The following GLB1L3 variants were observed in gnomAD, a reference collection of about 807,000 sequenced individuals.
GLB1L3 encodes the protein beta-galactosidase-1-like protein 3.
Under a neutral mutation model 89.5 loss-of-function variants are expected in GLB1L3, and 89 were observed. That is an observed-to-expected ratio of 0.99 (90% CI 0.84 to 1.19). The LOEUF (loss-of-function observed/expected upper bound fraction) is 1.19. Among genes scored for constraint, GLB1L3 ranks in the 50% most tolerant of loss-of-function variants. The probability of loss-of-function intolerance (pLI) is 0.00; values close to 1 mark genes in which losing one functional copy is unlikely to be tolerated. For synonymous variants in GLB1L3, 314 were observed against 312.3 expected (o/e 1.01, Z -0.06); for missense variants, 812 against 813.3 (o/e 1.00, Z 0.02).
chr11:134,294,397 C>T (rs550710322), intron 9 of GLB1L3, among the ~76,000 whole-genome samples: 26 of 152,188 alleles, frequency 1.7e-4, no homozygotes, highest in Non-Finnish European at 3.4e-4. Context: ...GTTTCCAACT[C>T]GGTGAAAGGC....
At chr11:134,320,731 A>G (rs1216254115), downstream of GLB1L3, among the ~76,000 whole-genome samples, 2 of 136,740 alleles carry the variant, frequency 1.5e-5, no homozygotes, top group Non-Finnish European at 3.2e-5. Context: ...CTATTTTACA[A>G]GAAAAACAAA....
chr11:134,287,058 G>C (rs1461495883), intron 6 of GLB1L3: 1 of 151,680 alleles, frequency 6.6e-6, no homozygotes, highest in East Asian at 1.9e-4. Flanking sequence ...CTACTCGGGA[G>C]GCTGACGCAG....
intron 18 of GLB1L3, 99 bp from the exon 19 acceptor site, chr11:134,318,532 C>G: frequency 1.4e-6 from 1 of 710,722 alleles, no homozygotes; most frequent in Non-Finnish European, 2.5e-6. Context: ...ATTTGAGTGC[C>G]ATAAAGTATC....
intron 9 of GLB1L3, among the ~76,000 whole-genome samples, chr11:134,298,306 C>T (rs1192978809): frequency 1.3e-5 from 2 of 152,134 alleles, no homozygotes; most frequent in Non-Finnish European, 2.9e-5. Flanking sequence ...TACTTCTAAA[C>T]TCATTTTATG....
At chr11:134,304,996 G>T in intron 9 of GLB1L3, 1 of 1,088,518 alleles carries the variant, frequency 9.2e-7, no homozygotes, top group South Asian at 2.3e-5. Flanking sequence ...GCCCGCATGC[G>T]ACTGCGCTAA....
chr11:134,308,218 CACCAT>C lies in GLB1L3; in HGVS notation c.961+1011_961+1015del, dbSNP rs1340921344. On this transcript the variant is annotated intron_variant, in intron 10 of 19. Coordinates refer to ENST00000431683, the MANE Select transcript of GLB1L3 (RefSeq NM_001080407.3). Reference sequence around the variant, plus strand: ...CCATCACCACTACCACCACCACCATCACCATCACCACCACCACCATCACCATCACC... The same window carrying C: ...CCATCACCACTACCACCACCACCATCCACCACCACCACCATCACCATCACC... Among the ~76,000 whole-genome samples the C allele has an allele frequency of 2.7e-3, 62 of 22,772 alleles. 3 individuals are homozygous for C. Among genetic ancestry groups the C allele is most frequent in the African/African-American group, 0.012 (51 of 4,198 alleles). 14.9% of individuals were successfully genotyped at this position (22,772 alleles called of 152,430 possible).
At chr11:134,313,324 G>A in intron 15 of GLB1L3, 72 bp from the exon 16 acceptor site, 1 of 1,189,908 alleles carries the variant, frequency 8.4e-7, no homozygotes, top group East Asian at 2.5e-5. Flanking sequence ...GTGGGACTCA[G>A]TGAAAAAACG....
downstream of GLB1L3, among the ~76,000 whole-genome samples, chr11:134,323,593 T>C (rs887246237): frequency 6.6e-6 from 1 of 151,868 alleles, no homozygotes; most frequent in African/African-American, 2.4e-5. Flanking sequence ...AAAAGTAATC[T>C]CTTAAATTGT....
chr11:134,281,145 A>G (rs11223743), intron 3 of GLB1L3, among the ~76,000 whole-genome samples: 38,426 of 152,204 alleles, frequency 0.25, 5,169 homozygotes, highest in East Asian at 0.37. Flanking sequence ...ATAAATCCCA[A>G]GAAACCCAGC....
chr11:134,310,365 C>T (rs1942663480), intron 11 of GLB1L3: 1 of 574,992 alleles, frequency 1.7e-6, no homozygotes, highest in Non-Finnish European at 3.1e-6. Flanking sequence ...AGCCCAGTGT[C>T]ATGGCTTGAC....
At chr11:134,308,377 CCATCACCACCATCACCACCAT>C (rs1942420727) in intron 10 of GLB1L3, among the ~76,000 whole-genome samples, 1 of 52,614 alleles carries the variant, frequency 1.9e-5, no homozygotes, top group Non-Finnish European at 3.5e-5. Flanking sequence ...ACCACCACCA[CCATCACCACCATCACCACCAT>C]CACCATCACC....
chr11:134,310,751 G>A (rs1942689748), intron 12 of GLB1L3, 100 bp downstream of exon 12: 2 of 850,372 alleles, frequency 2.4e-6, no homozygotes, highest in African/African-American at 3.4e-5. Context: ...GTGGGCAGCA[G>A]TTACACCAAG....
At chr11:134,299,251 CAT>C (rs1286388791) in intron 9 of GLB1L3, among the ~76,000 whole-genome samples, 3 of 151,808 alleles carry the variant, frequency 2.0e-5, no homozygotes, top group African/African-American at 7.3e-5. Context: ...GTATATTAAT[CAT>C]AGTTATTTTG....
At chr11:134,315,555 C>T (rs1316978918) in intron 18 of GLB1L3, among the ~76,000 whole-genome samples, 1 of 152,108 alleles carries the variant, frequency 6.6e-6, no homozygotes, top group African/African-American at 2.4e-5. Context: ...ATATATTTTT[C>T]TGGAAATTTT....
At chr11:134,282,458 T>A (rs1401349043) in intron 5 of GLB1L3, among the ~76,000 whole-genome samples, 2 of 152,120 alleles carry the variant, frequency 1.3e-5, no homozygotes, top group Non-Finnish European at 2.9e-5. Flanking sequence ...GGCTGTAGCC[T>A]CCTCTGTCCT....
At chr11:134,311,942 G>A (rs2136221628) in intron 13 of GLB1L3, 2 of 157,924 alleles carry the variant, frequency 1.3e-5, no homozygotes, top group South Asian at 1.9e-4. Context: ...GATTACAGGA[G>A]GGCACCACCA....
At chr11:134,322,317 C>G (rs1322481681), downstream of GLB1L3, among the ~76,000 whole-genome samples, 1 of 152,162 alleles carries the variant, frequency 6.6e-6, no homozygotes, top group Non-Finnish European at 1.5e-5. Flanking sequence ...GTAAAGCAAA[C>G]ATTTCCAGAT....
At chr11:134,280,185 T>G (rs1190327671) in intron 3 of GLB1L3, among the ~76,000 whole-genome samples, 1 of 152,080 alleles carries the variant, frequency 6.6e-6, no homozygotes, top group African/African-American at 2.4e-5. Flanking sequence ...ATTTATTTAT[T>G]TATTTAAATT....
intron 14 of GLB1L3, 130 bp downstream of exon 14, chr11:134,312,619 A>C: frequency 1.7e-6 from 2 of 1,211,358 alleles, no homozygotes; most frequent in Non-Finnish European, 2.3e-6. Flanking sequence ...TGGGACTAAA[A>C]AGTCAGGCCA....
Sources: gnomAD v4.1 joint callset for allele counts (sites outside exome capture counted in the v4.1 genomes callset) on GRCh38, gnomAD v4.1.1 for gene constraint, MANE v1.5 for transcripts, NCBI Gene and HGNC (gene_info 2026-07-23, HGNC 2026-07-21) for gene names.